ADGRG1: variants seen among roughly 807,000 people sequenced by gnomAD.
The protein encoded by ADGRG1 is adhesion G protein-coupled receptor G1.
In ADGRG1, 53 loss-of-function variants were observed where a neutral mutation model predicts 73.5. The ratio of observed to expected loss-of-function variants is 0.72; its 90% CI spans 0.58 to 0.91. The LOEUF is 0.91. Among genes scored for constraint, ADGRG1 ranks in the 40% least tolerant of loss-of-function variants. The probability of loss-of-function intolerance (pLI) is 0.00; values close to 1 mark genes in which losing one functional copy is unlikely to be tolerated. For missense variants in ADGRG1, 795 were observed against 871.8 expected (o/e 0.91, Z 1.11); for synonymous variants, 394 against 374.4 (o/e 1.05, Z -0.60).
At chr16:57,655,681 G>T in intron 6 of ADGRG1, 151 bp downstream of exon 6, 2 of 1,588,306 alleles carry the variant, frequency 1.3e-6, no homozygotes, top group Non-Finnish European at 8.5e-7. Flanking sequence ...AAATCTCCCT[G>T]TGAGAGGGCT....
At chr16:57,659,075 T>C (rs747382664) in intron 10 of ADGRG1, 159 of 985,298 alleles carry the variant, frequency 1.6e-4, no homozygotes, top group Non-Finnish European at 1.9e-4. Context: ...GTGGATGGCA[T>C]GGATTCTCCA....
intron 4 of ADGRG1, 186 bp downstream of exon 4, chr16:57,653,521 A>G (rs1274890204): frequency 1.0e-6 from 1 of 985,194 alleles, no homozygotes; most frequent in African/African-American, 1.7e-5. Context: ...CTCCTGTCTG[A>G]GTCAGTAACC....
rs79842689 is a variant in ADGRG1 at position 57,639,071 on chromosome 16, G to GA, written c.-36+10283dup. 2.8e-3 allele frequency among the ~76,000 whole-genome samples: 368 copies of GA among 131,294 alleles called. 1 individual carries two copies. Among genetic ancestry groups the GA allele is most frequent in the African/African-American group, 3.7e-3 (132 of 35,506 alleles). 86.1% of individuals were successfully genotyped at this position (131,294 alleles called of 152,430 possible). A position where few individuals can be genotyped will look rare whatever the true frequency, so the allele number is the denominator to read the frequency against. ...GGCGAAAGAGCGAAACTCTGTTTGA[G>GA]AAAAAAAAAAAAAAGATTTGGTTTT... On this transcript the variant is annotated intron_variant, in intron 1 of 13. Coordinates refer to ENST00000562631, the MANE Select transcript of ADGRG1 (RefSeq NM_201525.4).
chr16:57,659,154 T>C lies in ADGRG1; in HGVS notation c.1287-259T>C, dbSNP rs566865103. ...TATCTGGTTTATTACTGTGGTTGTCTTCCTCGCTCTGCCTGGCTGAGGCTT... is the reference window on the plus strand; with the variant it reads ...TATCTGGTTTATTACTGTGGTTGTCCTCCTCGCTCTGCCTGGCTGAGGCTT... On this transcript the variant is annotated intron_variant, in intron 10 of 13. Coordinates refer to ENST00000562631, the MANE Select transcript of ADGRG1 (RefSeq NM_201525.4). The C allele has an allele frequency of 1.6e-5, 16 of 985,398 alleles. No individual in the cohort carries two copies. The South Asian group carries it at 5.2e-4, about 32-fold the overall frequency. 61.0% of individuals were successfully genotyped at this position (985,398 alleles called of 1,614,324 possible).
intron 13 of ADGRG1, 104 bp from the exon 14 acceptor site, chr16:57,663,348 T>C (rs2047717594): frequency 6.4e-7 from 1 of 1,559,250 alleles, no homozygotes; most frequent in African/African-American, 1.4e-5. Flanking sequence ...TGGCAAACAC[T>C]ATGGAGAGGT....
chr16:57,629,058 A>ATG, intron 1 of ADGRG1: 1 of 484,974 alleles, frequency 2.1e-6, no homozygotes, highest in Non-Finnish European at 2.6e-6. Flanking sequence ...GTGTGTGAGT[A>ATG]TGAGTGTGAG....
intron 1 of ADGRG1, chr16:57,630,646 G>T: frequency 2.2e-6 from 1 of 449,266 alleles, no homozygotes; most frequent in Non-Finnish European, 2.9e-6. Context: ...ACTTCCTTTT[G>T]TCAGGGATAC....
Position 57,650,186 on chromosome 16 carries a change from C to A in ADGRG1, c.-35-67C>A, listed in dbSNP as rs564354148. 1.2e-4 allele frequency: 188 copies of A among 1,571,252 alleles called. No homozygotes were observed. In the African/African-American group the frequency reaches 2.5e-3, roughly 21 times the overall value. ...CACATCCATGCCACACTGGCCTCCT[C>A]TTCTGCAGGGCCAGCCCAACCACCA... is the stretch of plus-strand genomic sequence containing the variant. On this transcript the variant is annotated intron_variant, in intron 1 of 13. Transcript: ENST00000562631.
intron 2 of ADGRG1, chr16:57,621,744 C>A: frequency 2.3e-6 from 1 of 443,230 alleles, no homozygotes; most frequent in Non-Finnish European, 3.0e-6. Flanking sequence ...GGCCTGGCAT[C>A]CGAGCAGCTG....
At position 57,663,827 on chromosome 16, in the gene ADGRG1, C is replaced by T. The variant is rs2047847701; in HGVS notation, c.*245C>T. 1.7e-6 allele frequency: 1 copy of T among 579,554 alleles called. No homozygotes were observed. The highest frequency in any genetic ancestry group is 3.0e-5 in the East Asian group (1 of 33,894). 35.9% of individuals were successfully genotyped at this position (579,554 alleles called of 1,614,324 possible). A position where few individuals can be genotyped will look rare whatever the true frequency, so the allele number is the denominator to read the frequency against. ...ACTCAGAAGTGCGCCGCCATGCTGCCTAGGGTACTGTCCCCACATCTGTCC... is the reference window on the plus strand; with the variant it reads ...ACTCAGAAGTGCGCCGCCATGCTGCTTAGGGTACTGTCCCCACATCTGTCC... On this transcript the variant is annotated 3_prime_UTR_variant, in exon 14 of 14. Transcript: ENST00000562631.
chr16:57,643,942 G>T, intron 1 of ADGRG1: 1 of 984,372 alleles, frequency 1.0e-6, no homozygotes, highest in Non-Finnish European at 1.2e-6. Flanking sequence ...TGCCACCTGG[G>T]TCTGACAGGG....
At chr16:57,629,894 C>T (rs1263139587) in intron 1 of ADGRG1, 14 of 473,866 alleles carry the variant, frequency 3.0e-5, no homozygotes, top group Non-Finnish European at 3.3e-5. Flanking sequence ...CCCTGTGCCC[C>T]ACTGGGAGAG....
upstream of ADGRG1, chr16:57,624,720 TA>T (rs2035504962): frequency 1.0e-6 from 1 of 984,678 alleles, no homozygotes; most frequent in African/African-American, 1.7e-5. Flanking sequence ...CAGCAGACAA[TA>T]AGGATGCCCT....
intron 1 of ADGRG1, chr16:57,636,106 G>A (rs2039300825): frequency 2.0e-6 from 2 of 985,260 alleles, no homozygotes; most frequent in African/African-American, 3.5e-5. Flanking sequence ...GGGAGCCCAG[G>A]TGGGAGCTTG....
chr16:57,635,184 T>G, intron 1 of ADGRG1: 1 of 985,326 alleles, frequency 1.0e-6, no homozygotes, highest in Non-Finnish European at 1.2e-6. Context: ...CCTGACCCCA[T>G]GGCACTTCCC....
intron 1 of ADGRG1, chr16:57,631,070 T>G: frequency 1.0e-6 from 1 of 984,450 alleles, no homozygotes; most frequent in South Asian, 4.7e-5. Flanking sequence ...AGGATGGGTG[T>G]TCAGTGTGAG....
rs148695612 is a variant in ADGRG1 at position 57,644,258 on chromosome 16, T to C, written c.-35-5995T>C. 5.8e-5 allele frequency: 52 copies of C among 894,750 alleles called. 1 individual carries two copies. The East Asian group carries it at 4.7e-3, about 81-fold the overall frequency. The allele number at this position is 894,750 out of a possible 1,614,324, so 55.4% of individuals were successfully genotyped here. On this transcript the variant is annotated intron_variant, in intron 1 of 13. Transcript: ENST00000562631. The stretch of plus-strand genomic sequence containing the variant: ...CACACTCATGCACACACATGCACAG[T>C]CATGCACGGGCACACACACTCATCA...
At position 57,651,283 on chromosome 16, in the gene ADGRG1, C is replaced by T; in HGVS notation, c.148C>T (p.Pro50Ser). ...QTHRSSLHYK[P>S]TPDLRISIEN... ...ACACAGGAGCAGCCTCCACTACAAA[C>T]CCACACCAGACCTGCGCATCTCCAT... Residue 50 changes from proline to serine, a missense_variant, in exon 3 of 14, where the codon CCC becomes TCC. Transcript: ENST00000562631. 2 of 1,614,214 alleles carry T rather than the reference C, an allele frequency of 1.2e-6. No individual in the cohort carries two copies. Among genetic ancestry groups the T allele is most frequent in the South Asian group, 2.2e-5 (2 of 91,084 alleles).
chr16:57,633,481 C>T, intron 1 of ADGRG1: 2 of 985,382 alleles, frequency 2.0e-6, no homozygotes, highest in Non-Finnish European at 2.4e-6. Context: ...CTGTCCCAGA[C>T]CTTTGCTTTT....
Sources: gnomAD v4.1 joint callset for allele counts (sites outside exome capture counted in the v4.1 genomes callset) on GRCh38, gnomAD v4.1.1 for gene constraint, MANE v1.5 for transcripts, NCBI Gene and HGNC (gene_info 2026-07-23, HGNC 2026-07-21) for gene names.